The following UAP1 variants were observed in gnomAD, a reference collection of about 807,000 sequenced individuals.
UAP1 encodes the protein UDP-N-acetylglucosamine pyrophosphorylase 1, also known as UDP-N-acetylhexosamine pyrophosphorylase.
UAP1 carries 25 observed loss-of-function variants against 58.5 expected under a neutral mutation model. The observed-to-expected ratio is 0.43, with a 90% CI of 0.31 to 0.60. The LOEUF (loss-of-function observed/expected upper bound fraction) is 0.60, where lower values mean the gene tolerates loss of function less well. Among genes scored for constraint, UAP1 ranks in the 20% least tolerant of loss-of-function variants. The pLI is 0.11. For missense variants in UAP1, 575 were observed against 630.0 expected (o/e 0.91, Z 0.93); for synonymous variants, 208 against 213.0 (o/e 0.98, Z 0.21).
Position 162,579,411 on chromosome 1 carries a change from T to C in UAP1, c.486-17T>C, listed in dbSNP as rs776753057. The C allele has an allele frequency of 2.0e-5, 30 of 1,470,690 alleles. No individual in the cohort carries two copies. In the South Asian group the frequency reaches 3.9e-4, roughly 19 times the overall value. The allele number at this position is 1,470,690 out of a possible 1,614,324, so 91.1% of individuals were successfully genotyped here. A position where few individuals can be genotyped will look rare whatever the true frequency, so the allele number is the denominator to read the frequency against. On this transcript the variant is annotated splice_polypyrimidine_tract_variant and intron_variant, in intron 3 of 10. Transcript: ENST00000271469. ...ACCTAGCACGGTTGCTTAGAAGATC[T>C]GATTTTCTCTTGTAAGGTATATAAT...
chr1:162,592,823 T>C (rs1424015685), intron 9 of UAP1, 41 bp downstream of exon 9: 7 of 1,503,660 alleles, frequency 4.7e-6, no homozygotes, highest in African/African-American at 2.8e-5. Context: ...GTGATGGGGC[T>C]GTGCTTCCCT....
At chr1:162,565,386 T>A (rs1653426659) in intron 1 of UAP1, among the ~76,000 whole-genome samples, 1 of 152,230 alleles carries the variant, frequency 6.6e-6, no homozygotes, top group Non-Finnish European at 1.5e-5. Context: ...TGTGTATTGC[T>A]TGTCTCTTTA....
intron 9 of UAP1, among the ~76,000 whole-genome samples, chr1:162,595,321 C>CCTTCTGTTCCTGCTACACT (rs1256623233): frequency 3.0e-4 from 45 of 152,290 alleles, no homozygotes; most frequent in African/African-American, 1.1e-3. Flanking sequence ...TTCACAACCA[C>CCTTCTGTTCCTGCTACACT]CTTCTGTTCC....
At chr1:162,601,088 A>G (rs375005925), downstream of UAP1, among the ~76,000 whole-genome samples, 1 of 152,334 alleles carries the variant, frequency 6.6e-6, no homozygotes, top group East Asian at 1.9e-4. Context: ...AGTTAAGAGC[A>G]AACTCTGAGA....
chr1:162,577,027 T>C (rs780648812), intron 3 of UAP1, 46 bp downstream of exon 3: 3 of 1,568,282 alleles, frequency 1.9e-6, no homozygotes, highest in South Asian at 2.2e-5. Context: ...ATATATTGTT[T>C]TATAATATTC....
At chr1:162,567,364 GT>G (rs1431185369) in intron 2 of UAP1, among the ~76,000 whole-genome samples, 1 of 152,172 alleles carries the variant, frequency 6.6e-6, no homozygotes, top group Non-Finnish European at 1.5e-5. Flanking sequence ...TAGAACAAGA[GT>G]TTTATAGTTA....
At chr1:162,566,385 T>C (rs1340759556) in intron 2 of UAP1, 37 bp downstream of exon 2, 3 of 1,576,640 alleles carry the variant, frequency 1.9e-6, no homozygotes, top group Non-Finnish European at 1.7e-6. Flanking sequence ...TGAAGTTTAT[T>C]TGAGATATAC....
intron 8 of UAP1, 62 bp downstream of exon 8, chr1:162,590,573 T>A: frequency 9.6e-7 from 1 of 1,036,938 alleles, no homozygotes; most frequent in Non-Finnish European, 1.3e-6. Context: ...CTTGGACTTC[T>A]CTCTCTCTCT....
chr1:162,585,581 G>C (rs960310632), intron 5 of UAP1, among the ~76,000 whole-genome samples: 4 of 152,110 alleles, frequency 2.6e-5, no homozygotes, highest in African/African-American at 7.2e-5. Context: ...TATCTTTTCT[G>C]TATAATATAA....
intron 2 of UAP1, among the ~76,000 whole-genome samples, chr1:162,574,020 C>T (rs932558412): frequency 2.0e-5 from 3 of 150,826 alleles, no homozygotes; most frequent in Admixed American, 1.3e-4. Flanking sequence ...TTGGACTATA[C>T]TTACTAATAA....
chr1:162,573,157 C>T (rs993522609), intron 2 of UAP1, among the ~76,000 whole-genome samples: 3 of 152,110 alleles, frequency 2.0e-5, no homozygotes, highest in Non-Finnish European at 2.9e-5. Flanking sequence ...TTGCTTAAGG[C>T]ACATACAAAC....
chr1:162,600,631 T>G (rs1053697232), downstream of UAP1, among the ~76,000 whole-genome samples: 1 of 152,068 alleles, frequency 6.6e-6, no homozygotes, highest in African/African-American at 2.4e-5. Flanking sequence ...GGGTGGGTCT[T>G]TTGTTTAAGG....
chr1:162,579,360 G>A, intron 3 of UAP1, 68 bp from the exon 4 acceptor site: 1 of 1,175,114 alleles, frequency 8.5e-7, no homozygotes, highest in Non-Finnish European at 1.1e-6. Context: ...TTAGGAAATA[G>A]ACGAAACTTT....
At chr1:162,564,299 TATTATTA>T (rs1653358048) in intron 1 of UAP1, among the ~76,000 whole-genome samples, 1 of 152,176 alleles carries the variant, frequency 6.6e-6, no homozygotes, top group South Asian at 2.1e-4. Context: ...AGGTAGATAC[TATTATTA>T]ATCTCATTTT....
chr1:162,581,526 G>T, intron 5 of UAP1, 67 bp downstream of exon 5: 1 of 1,452,018 alleles, frequency 6.9e-7, no homozygotes. Flanking sequence ...CATTCCAGAA[G>T]TCAAACCAAG....
chr1:162,583,004 GACTC>G (rs1354559275), intron 5 of UAP1, among the ~76,000 whole-genome samples: 9 of 150,606 alleles, frequency 6.0e-5, no homozygotes, highest in Non-Finnish European at 1.2e-4. Flanking sequence ...TTTAGCCACA[GACTC>G]ACTATGTCAT....
At chr1:162,576,578 A>C (rs924837882) in intron 2 of UAP1, among the ~76,000 whole-genome samples, 199 bp from the exon 3 acceptor site, 2 of 152,204 alleles carry the variant, frequency 1.3e-5, no homozygotes, top group Non-Finnish European at 2.9e-5. Flanking sequence ...CCATGTGATC[A>C]ATAAAAGCAG....
chr1:162,566,370 C>G (rs1229083794), intron 2 of UAP1, 22 bp downstream of exon 2: 1 of 1,586,814 alleles, frequency 6.3e-7, no homozygotes. Context: ...GTACATATTT[C>G]TTACTGAAGT....
rs1323445788 is a variant in UAP1, at chr1:162,599,602, A to C, written c.*239A>C. ...TATTTATATAATTTTTTCCAAGCCA[A>C]GGAGACCATTGGCCATCCAGGAAAT... On this transcript the variant is annotated 3_prime_UTR_variant, in exon 11 of 11. Coordinates refer to ENST00000271469, the Ensembl canonical transcript of UAP1. The C allele has an allele frequency of 1.5e-5, 5 of 324,444 alleles. No individual in the cohort carries two copies. The Admixed American group carries it at 2.3e-4, about 15-fold the overall frequency. The allele number at this position is 324,444 out of a possible 1,614,324, so 20.1% of individuals were successfully genotyped here. A position where few individuals can be genotyped will look rare whatever the true frequency, so the allele number is the denominator to read the frequency against.
Sources: gnomAD v4.1 joint callset for allele counts (sites outside exome capture counted in the v4.1 genomes callset) on GRCh38, gnomAD v4.1.1 for gene constraint, MANE v1.5 for transcripts, NCBI Gene and HGNC (gene_info 2026-07-23, HGNC 2026-07-21) for gene names.